Variants in SORT1 observed in about 807,000 individuals in gnomAD.
SORT1 encodes the protein sortilin 1, also known as sortilin.
Under a neutral mutation model 101.7 loss-of-function variants are expected in SORT1, and 39 were observed. That is an observed-to-expected ratio of 0.38 (90% CI 0.30 to 0.50). The LOEUF (loss-of-function observed/expected upper bound fraction) is 0.50. SORT1 is among the 20% of genes least tolerant of loss of function. The pLI is 0.90. For synonymous variants in SORT1, 396 were observed against 393.7 expected, an observed-to-expected ratio of 1.01 and a Z score of -0.07; for missense variants, 878 against 1,040.4, an observed-to-expected ratio of 0.84 and a Z score of 2.15.
At chr1:109,340,574 C>T (rs1234393602) in intron 10 of SORT1, 150 bp downstream of exon 10, 1 of 741,780 alleles carries the variant, frequency 1.3e-6, no homozygotes. Flanking sequence ...CATATTGCCA[C>T]AATAAAAAAA....
intron 5 of SORT1, 43 bp downstream of exon 5, chr1:109,354,324 T>C: frequency 4.0e-6 from 6 of 1,512,974 alleles, no homozygotes; most frequent in South Asian, 1.2e-5. Flanking sequence ...CATTTGAGAC[T>C]ATAAAATGCA....
At chr1:109,332,296 G>C (rs918161308) in intron 11 of SORT1, among the ~76,000 whole-genome samples, 2 of 152,172 alleles carry the variant, frequency 1.3e-5, no homozygotes, top group African/African-American at 4.8e-5. Context: ...GGTACATCAA[G>C]AACAAAACAA....
intron 2 of SORT1, among the ~76,000 whole-genome samples, chr1:109,368,293 C>CA (rs35637507): frequency 0.048 from 2,763 of 57,214 alleles, 107 homozygotes; most frequent in African/African-American, 0.12. Flanking sequence ...GACTCTGTCT[C>CA]AAAAAAAAAA....
intron 1 of SORT1, among the ~76,000 whole-genome samples, chr1:109,380,479 A>G (rs756813195): frequency 6.6e-6 from 1 of 152,204 alleles, no homozygotes; most frequent in Non-Finnish European, 1.5e-5. Flanking sequence ...AACATGACAA[A>G]GTATTAATAT....
intron 1 of SORT1, among the ~76,000 whole-genome samples, chr1:109,386,702 G>T (rs1385991680): frequency 6.6e-6 from 1 of 152,080 alleles, no homozygotes; most frequent in Non-Finnish European, 1.5e-5. Flanking sequence ...TTAAATAATT[G>T]TTAAAAGTTT....
intron 5 of SORT1, among the ~76,000 whole-genome samples, chr1:109,353,676 C>T (rs111881305): frequency 3.3e-5 from 5 of 152,142 alleles, no homozygotes; most frequent in African/African-American, 1.2e-4. Context: ...GAACTAGCTC[C>T]TCAGGTGTTT....
At chr1:109,337,366 C>G (rs1648901959) in intron 10 of SORT1, among the ~76,000 whole-genome samples, 1 of 146,598 alleles carries the variant, frequency 6.8e-6, no homozygotes, top group Admixed American at 6.6e-5. Flanking sequence ...CCTGCCTCAA[C>G]CTCTGGAGTA....
chr1:109,314,470 A>G lies in SORT1; in HGVS notation c.2358-86T>C. ...ACTGTGGACTTTCTCAGTTTTATAC[A>G]CTCAGGAACGCATCACAGACACAGA... On this transcript the variant is annotated intron_variant, in intron 18 of 19. Transcript: ENST00000256637. The G allele has an allele frequency of 2.7e-6, 4 of 1,476,586 alleles. No homozygotes were observed. The South Asian group carries it at 5.0e-5, about 19-fold the overall frequency. The allele number at this position is 1,476,586 out of a possible 1,614,324, so 91.5% of individuals were successfully genotyped here. A position where few individuals can be genotyped will look rare whatever the true frequency, so the allele number is the denominator to read the frequency against.
intron 3 of SORT1, among the ~76,000 whole-genome samples, chr1:109,362,349 A>T (rs3879449): frequency 0.65 from 98,345 of 151,984 alleles, 33,690 homozygotes; most frequent in East Asian, 0.96. Context: ...CATAACTATC[A>T]CTAATAATGA....
intron 6 of SORT1, among the ~76,000 whole-genome samples, chr1:109,348,489 TTTTG>T (rs1379000690): frequency 1.3e-5 from 2 of 151,648 alleles, no homozygotes; most frequent in African/African-American, 2.4e-5. Context: ...AAAGATAAGG[TTTTG>T]TTTGTTTATT....
intron 1 of SORT1, among the ~76,000 whole-genome samples, chr1:109,384,619 T>C (rs780920027): frequency 6.6e-6 from 1 of 152,208 alleles, no homozygotes; most frequent in Non-Finnish European, 1.5e-5. Flanking sequence ...TCTTAGTCCA[T>C]TTTCAGTTGC....
At chr1:109,370,763 T>C (rs1019455288) in intron 1 of SORT1, among the ~76,000 whole-genome samples, 1 of 152,342 alleles carries the variant, frequency 6.6e-6, no homozygotes, top group South Asian at 2.1e-4. Flanking sequence ...AATGTAACTT[T>C]ATACTTCTTG....
intron 1 of SORT1, among the ~76,000 whole-genome samples, chr1:109,376,753 G>A (rs1651884052): frequency 6.6e-6 from 1 of 152,172 alleles, no homozygotes; most frequent in Non-Finnish European, 1.5e-5. Context: ...GAGGGACGCA[G>A]GTGAGTACTG....
chr1:109,367,323 T>C (rs1651159030), intron 3 of SORT1, 85 bp downstream of exon 3: 1 of 758,954 alleles, frequency 1.3e-6, no homozygotes, highest in Non-Finnish European at 2.3e-6. Context: ...CATCAACTGT[T>C]ACGTGCCATC....
At chr1:109,347,461 T>G (rs773380700) in intron 7 of SORT1, 22 bp downstream of exon 7, 1 of 1,563,048 alleles carries the variant, frequency 6.4e-7, no homozygotes, top group South Asian at 1.1e-5. Context: ...GACATTATTT[T>G]CTGGGACTAA....
At chr1:109,381,353 G>C (rs1652220621) in intron 1 of SORT1, among the ~76,000 whole-genome samples, 1 of 151,994 alleles carries the variant, frequency 6.6e-6, no homozygotes, top group Non-Finnish European at 1.5e-5. Flanking sequence ...AAGAACTGGA[G>C]ATTTGTTAAG....
In SORT1 at chr1:109,356,656, G is replaced by C. The variant is rs183678567; in HGVS notation, c.441-1187C>G. On this transcript the variant is annotated intron_variant, in intron 3 of 19. Coordinates refer to ENST00000256637, the MANE Select transcript of SORT1 (RefSeq NM_002959.7). ...TTCCCCATAGAAGTTACCATCCCTA[G>C]GCAGAAGTCTGTAAGGCACTCAGTA... 2.0e-5 allele frequency among the ~76,000 whole-genome samples: 3 copies of C among 152,270 alleles called. No individual in the cohort carries two copies. The East Asian group carries it at 5.8e-4, about 29-fold the overall frequency.
chr1:109,319,723 C>A (rs1647490325), intron 15 of SORT1, among the ~76,000 whole-genome samples: 1 of 152,018 alleles, frequency 6.6e-6, no homozygotes, highest in African/African-American at 2.4e-5. Context: ...AAAAATTAGC[C>A]AGGTGCAGTG....
chr1:109,318,468 G>C (rs1469502015), intron 15 of SORT1, among the ~76,000 whole-genome samples: 1 of 152,066 alleles, frequency 6.6e-6, no homozygotes, highest in Non-Finnish European at 1.5e-5. Flanking sequence ...CCTTATTAAG[G>C]AAAAGAAGCT....
Sources: gnomAD v4.1 joint callset for allele counts (sites outside exome capture counted in the v4.1 genomes callset) on GRCh38, gnomAD v4.1.1 for gene constraint, MANE v1.5 for transcripts, NCBI Gene and HGNC (gene_info 2026-07-23, HGNC 2026-07-21) for gene names.